Variants in COMMD10 observed in about 807,000 individuals in gnomAD.
The protein encoded by COMMD10 is COMM domain containing 10.
COMMD10 carries 33 observed loss-of-function variants against 28.9 expected under a neutral mutation model. The observed-to-expected ratio is 1.14, with a 90% CI of 0.87 to 1.53. COMMD10 has a LOEUF of 1.53. Among genes scored for constraint, COMMD10 ranks in the 40% most tolerant of loss-of-function variants. COMMD10 has a pLI of 0.00. For synonymous variants in COMMD10, 110 were observed against 81.7 expected (o/e 1.35, Z -1.87); for missense variants, 310 against 233.4 (o/e 1.33, Z -2.14).
intron 4 of COMMD10, among the ~76,000 whole-genome samples, chr5:116,101,547 C>G (rs1364807129): frequency 9.2e-5 from 14 of 152,288 alleles, no homozygotes; most frequent in Non-Finnish European, 1.9e-4. Context: ...CCACCTCAGC[C>G]TCCTGAGTAG....
intron 5 of COMMD10, among the ~76,000 whole-genome samples, chr5:116,138,142 C>G (rs1348695278): frequency 6.6e-6 from 1 of 151,702 alleles, no homozygotes; most frequent in Non-Finnish European, 1.5e-5. Context: ...TTTCCATAAA[C>G]AAAATTAATG....
chr5:116,231,679 G>T (rs58404617), intron 5 of COMMD10, among the ~76,000 whole-genome samples: 11 of 151,910 alleles, frequency 7.2e-5, no homozygotes, highest in African/African-American at 2.4e-4. Flanking sequence ...AACTATTTTA[G>T]TATGATAGCT....
At chr5:116,284,466 A>T (rs1376968066) in intron 5 of COMMD10, among the ~76,000 whole-genome samples, 8 of 151,898 alleles carry the variant, frequency 5.3e-5, no homozygotes, top group Admixed American at 5.2e-4. Context: ...CGTTTATGCC[A>T]TAAGGGTAAT....
intron 5 of COMMD10, among the ~76,000 whole-genome samples, chr5:116,149,997 G>A (rs1228345992): frequency 1.1e-4 from 17 of 152,134 alleles, no homozygotes; most frequent in East Asian, 9.7e-4. Flanking sequence ...TAGGTCTAAC[G>A]TTTAAGTCTT....
intron 5 of COMMD10, among the ~76,000 whole-genome samples, chr5:116,192,073 C>T (rs1213454199): frequency 6.6e-6 from 1 of 151,916 alleles, no homozygotes; most frequent in East Asian, 1.9e-4. Context: ...AATCACTGCA[C>T]ACAGTAATCA....
At chr5:116,248,808 C>A (rs578031378) in intron 5 of COMMD10, among the ~76,000 whole-genome samples, 1 of 151,506 alleles carries the variant, frequency 6.6e-6, no homozygotes, top group South Asian at 2.1e-4. Flanking sequence ...CTCTTGGATC[C>A]GGAAATATAC....
chr5:116,238,813 G>C (rs1006688801), intron 5 of COMMD10, among the ~76,000 whole-genome samples: 10 of 152,130 alleles, frequency 6.6e-5, no homozygotes, highest in African/African-American at 2.4e-4. Flanking sequence ...CTTTGACATA[G>C]TACCACTGGA....
intron 5 of COMMD10, among the ~76,000 whole-genome samples, chr5:116,175,330 A>G (rs550700236): frequency 6.6e-6 from 1 of 152,258 alleles, no homozygotes; most frequent in East Asian, 1.9e-4. Context: ...AATTGAATGA[A>G]TAGATGGTTT....
At position 116,182,543 on chromosome 5, in the gene COMMD10, A is replaced by G. The variant is rs559334796; in HGVS notation, c.510+48365A>G. Among the ~76,000 whole-genome samples the G allele has an allele frequency of 2.0e-5, 3 of 152,202 alleles. No individual in the cohort carries two copies. The South Asian group carries it at 6.2e-4, about 32-fold the overall frequency. ...ACTTTGTTGCTGAGACATTTAGACT[A>G]TTTCTCAGATATTAATAAAATTTAG... is the stretch of plus-strand genomic sequence containing the variant. On this transcript the variant is annotated intron_variant, in intron 5 of 6. Transcript: ENST00000274458.
At chr5:116,254,264 A>AT (rs1376990941) in intron 5 of COMMD10, among the ~76,000 whole-genome samples, 6 of 151,986 alleles carry the variant, frequency 3.9e-5, no homozygotes, top group African/African-American at 1.4e-4. Context: ...GGATTCATTA[A>AT]TTTTTTGAAG....
At chr5:116,221,169 C>A (rs189779546) in intron 5 of COMMD10, among the ~76,000 whole-genome samples, 1 of 151,356 alleles carries the variant, frequency 6.6e-6, no homozygotes, top group African/African-American at 2.4e-5. Flanking sequence ...AAACTACAGG[C>A]ACCAGCTGGT....
chr5:116,280,212 A>T (rs866667189), intron 5 of COMMD10, among the ~76,000 whole-genome samples: 6 of 151,988 alleles, frequency 3.9e-5, no homozygotes, highest in African/African-American at 1.5e-4. Flanking sequence ...TAACTTGCAT[A>T]CATAGGTGTA....
At chr5:116,249,166 A>G (rs1469954490) in intron 5 of COMMD10, among the ~76,000 whole-genome samples, 1 of 151,952 alleles carries the variant, frequency 6.6e-6, no homozygotes, top group Non-Finnish European at 1.5e-5. Context: ...TGGGACTGCT[A>G]TGGTTGGGGC....
At chr5:116,131,426 T>C (rs1250878265) in intron 4 of COMMD10, among the ~76,000 whole-genome samples, 1 of 151,846 alleles carries the variant, frequency 6.6e-6, no homozygotes, top group Non-Finnish European at 1.5e-5. Context: ...TATGTATGTA[T>C]GTATGTGTAT....
chr5:116,184,008 G>A (rs1448691797), intron 5 of COMMD10, among the ~76,000 whole-genome samples: 2 of 152,058 alleles, frequency 1.3e-5, no homozygotes, highest in Non-Finnish European at 2.9e-5. Flanking sequence ...CATCCGTTAA[G>A]GGTTAATAAT....
intron 5 of COMMD10, among the ~76,000 whole-genome samples, chr5:116,274,948 G>T (rs1216677810): frequency 6.6e-6 from 1 of 151,664 alleles, no homozygotes; most frequent in African/African-American, 2.4e-5. Flanking sequence ...TACTGAGTTT[G>T]TACATCTAAT....
At chr5:116,091,272 T>TGGGCTCACGG in intron 3 of COMMD10, 83 bp downstream of exon 3, 6 of 621,608 alleles carry the variant, frequency 9.7e-6, no homozygotes, top group Non-Finnish European at 1.6e-5. Context: ...CATTCTGTTT[T>TGGGCTCACGG]TTTTAATTAA....
At chr5:116,255,851 A>G (rs1750269381) in intron 5 of COMMD10, 2 of 151,416 alleles carry the variant, frequency 1.3e-5, no homozygotes, top group African/African-American at 4.9e-5. Context: ...TAAAACATTA[A>G]GAAATGTTAG....
At chr5:116,234,213 A>C (rs1749600896) in intron 5 of COMMD10, among the ~76,000 whole-genome samples, 1 of 152,314 alleles carries the variant, frequency 6.6e-6, no homozygotes, top group African/African-American at 2.4e-5. Flanking sequence ...TCTCAGCAGC[A>C]TCAGAGTAAT....
Sources: gnomAD v4.1 joint callset for allele counts (sites outside exome capture counted in the v4.1 genomes callset) on GRCh38, gnomAD v4.1.1 for gene constraint, MANE v1.5 for transcripts, NCBI Gene and HGNC (gene_info 2026-07-23, HGNC 2026-07-21) for gene names.